NTRK3: variants seen among roughly 807,000 people sequenced by gnomAD.
NTRK3 encodes neurotrophic receptor tyrosine kinase 3, also known as NT-3 growth factor receptor.
A neutral mutation model predicts 91.7 loss-of-function variants in NTRK3; 24 were observed. The ratio of observed to expected loss-of-function variants is 0.26; its 90% CI spans 0.19 to 0.37. NTRK3 has a LOEUF of 0.37. NTRK3 is among the 10% of genes least tolerant of loss of function. The pLI is 1.00. For missense variants in NTRK3, 880 were observed against 1,068.9 expected (o/e 0.82, Z 2.46); for synonymous variants, 483 against 404.0 (o/e 1.20, Z -2.34).
chr15:87,968,750 G>A (rs529291669), intron 14 of NTRK3, among the ~76,000 whole-genome samples: 11 of 152,168 alleles, frequency 7.2e-5, no homozygotes, highest in Non-Finnish European at 1.3e-4. Context: ...GAGTGACTAA[G>A]AGCGTGTTTG....
At chr15:88,047,422 G>A (rs2080324619) in intron 13 of NTRK3, among the ~76,000 whole-genome samples, 1 of 151,886 alleles carries the variant, frequency 6.6e-6, no homozygotes, top group Non-Finnish European at 1.5e-5. Flanking sequence ...GTTAGCCCTG[G>A]TACCAAGGGA....
At chr15:88,131,168 T>C (rs1014684911) in intron 10 of NTRK3, among the ~76,000 whole-genome samples, 9 of 152,244 alleles carry the variant, frequency 5.9e-5, no homozygotes, top group African/African-American at 2.2e-4. Context: ...CAGACGCTGA[T>C]GCTGCTGTTC....
At chr15:87,896,992 G>C (rs879710413) in intron 17 of NTRK3, among the ~76,000 whole-genome samples, 6 of 152,168 alleles carry the variant, frequency 3.9e-5, no homozygotes, top group Admixed American at 6.5e-5. Context: ...CATCATTATA[G>C]TATTGCTCCC....
chr15:87,954,315 T>TA (rs1491493875), intron 14 of NTRK3, among the ~76,000 whole-genome samples: 1 of 152,132 alleles, frequency 6.6e-6, no homozygotes, highest in Non-Finnish European at 1.5e-5. Context: ...TCCCTCTATG[T>TA]CTCCTCTCTA....
chr15:87,933,209 G>A, intron 15 of NTRK3, 25 bp from the exon 16 acceptor site: 5 of 1,613,486 alleles, frequency 3.1e-6, no homozygotes, highest in Non-Finnish European at 3.4e-6. Flanking sequence ...GGACACAGGT[G>A]TTTAACAACT....
At chr15:88,058,237 C>T (rs1266127192) in intron 13 of NTRK3, among the ~76,000 whole-genome samples, 2 of 152,148 alleles carry the variant, frequency 1.3e-5, no homozygotes, top group South Asian at 2.1e-4. Context: ...AGGACTACGA[C>T]GTCAGACAGT....
intron 3 of NTRK3, among the ~76,000 whole-genome samples, chr15:88,189,089 C>T (rs576778839): frequency 2.0e-5 from 3 of 152,142 alleles, no homozygotes; most frequent in African/African-American, 4.8e-5. Flanking sequence ...GAGTCAGAGT[C>T]GGGCTTAGGG....
At chr15:88,187,863 G>A (rs2047069228) in intron 3 of NTRK3, among the ~76,000 whole-genome samples, 1 of 149,946 alleles carries the variant, frequency 6.7e-6, no homozygotes, top group African/African-American at 2.5e-5. Flanking sequence ...GAATCTGGGA[G>A]GCCGAGGCTG....
At chr15:88,152,319 A>C (rs1307204768) in intron 5 of NTRK3, among the ~76,000 whole-genome samples, 8 of 152,150 alleles carry the variant, frequency 5.3e-5, no homozygotes, top group Admixed American at 3.3e-4. Flanking sequence ...AACAAAACAA[A>C]ACAAACAAAC....
intron 6 of NTRK3, among the ~76,000 whole-genome samples, chr15:88,141,100 G>A (rs1412419918): frequency 6.6e-6 from 1 of 152,140 alleles, no homozygotes; most frequent in African/African-American, 2.4e-5. Context: ...GGTTGGGATG[G>A]GGGTGAGGCT....
chr15:87,961,119 G>C (rs2072241848), intron 14 of NTRK3, among the ~76,000 whole-genome samples: 1 of 152,094 alleles, frequency 6.6e-6, no homozygotes, highest in Non-Finnish European at 1.5e-5. Flanking sequence ...TGATGAGATG[G>C]GGTACTCACT....
rs566772331 is a variant in NTRK3 at position 88,038,393 on chromosome 15, A to C, written c.1397-5348T>G. Among the ~76,000 whole-genome samples, 10 of 152,316 alleles carry C rather than the reference A, an allele frequency of 6.6e-5. No homozygotes were observed. The South Asian group carries it at 1.9e-3, about 28-fold the overall frequency. Reference sequence around the variant, plus strand: ...AAAAAGCACATAGGCCCATCACTTCAAAGGATGTAAGAGGAAGCCTCTGCA... The same window carrying C: ...AAAAAGCACATAGGCCCATCACTTCCAAGGATGTAAGAGGAAGCCTCTGCA... On this transcript the variant is annotated intron_variant, in intron 13 of 18. Coordinates refer to ENST00000394480, the Ensembl canonical transcript of NTRK3.
At chr15:88,229,836 GC>G (rs1198765924) in intron 3 of NTRK3, among the ~76,000 whole-genome samples, 1 of 152,252 alleles carries the variant, frequency 6.6e-6, no homozygotes, top group African/African-American at 2.4e-5. Context: ...GATCAGTGTA[GC>G]CCAGGGAACA....
chr15:87,915,579 CT>C (rs1414359693), intron 17 of NTRK3, among the ~76,000 whole-genome samples: 2 of 152,134 alleles, frequency 1.3e-5, no homozygotes, highest in Non-Finnish European at 2.9e-5. Context: ...GAGTGGGTGG[CT>C]TTTTTTATTT....
intron 14 of NTRK3, among the ~76,000 whole-genome samples, chr15:88,011,022 G>T (rs2076842731): frequency 1.3e-5 from 2 of 152,166 alleles, no homozygotes; most frequent in Admixed American, 1.3e-4. Flanking sequence ...CATCCTTTTG[G>T]ACATGTTTTT....
Position 88,255,569 on chromosome 15 carries a change from G to C in NTRK3, c.248+337C>G, listed in dbSNP as rs998592522. Among the ~76,000 whole-genome samples the C allele has an allele frequency of 7.3e-5, 11 of 150,958 alleles. No homozygotes were observed. Among genetic ancestry groups the C allele is most frequent in the African/African-American group, 2.7e-4 (11 of 41,388 alleles). On this transcript the variant is annotated intron_variant, in intron 3 of 18. Coordinates refer to ENST00000394480, the Ensembl canonical transcript of NTRK3. The surrounding 1 kb of genome is among the most constrained non-coding windows in gnomAD (Gnocchi z 4.3). ...AGCGTGGCCAAACTGTTGCTATTTA[G>C]TGGGGAGCAAAAAAAAACAATTTGC...
chr15:87,925,762 T>C (rs2068254406), intron 17 of NTRK3: 1 of 177,590 alleles, frequency 5.6e-6, no homozygotes, highest in Admixed American at 6.3e-5. Flanking sequence ...AAGAAAGACA[T>C]TTTCCTGAGG....
chr15:87,890,733 T>A (rs2065814163), intron 17 of NTRK3, among the ~76,000 whole-genome samples: 1 of 152,212 alleles, frequency 6.6e-6, no homozygotes, highest in South Asian at 2.1e-4. Flanking sequence ...CTTCATAGCA[T>A]CCTTGCTTTC....
chr15:88,082,455 C>G (rs2048139897), intron 13 of NTRK3, among the ~76,000 whole-genome samples: 1 of 152,168 alleles, frequency 6.6e-6, no homozygotes, highest in Admixed American at 6.5e-5. Flanking sequence ...TGTATCACCA[C>G]CACCCAGATG....
Sources: allele counts gnomAD v4.1 joint callset (sites outside exome capture counted in the v4.1 genomes callset), GRCh38; gene constraint gnomAD v4.1.1; non-coding constraint Gnocchi (gnomAD v3.1); transcripts MANE v1.5; gene names NCBI Gene and HGNC (gene_info 2026-07-23, HGNC 2026-07-21).